The following CFTR variants were observed in gnomAD, a reference collection of about 807,000 sequenced individuals.
The protein encoded by CFTR is cystic fibrosis transmembrane conductance regulator.
In CFTR, 181 loss-of-function variants were observed where a neutral mutation model predicts 171.6. The observed-to-expected ratio is 1.05, with a 90% CI of 0.93 to 1.19. The LOEUF is 1.19. Ranked by LOEUF, CFTR falls within the 50% of genes most tolerant of loss-of-function variation. CFTR has a pLI of 0.00. For missense variants in CFTR, 1,968 were observed against 1,734.7 expected, an observed-to-expected ratio of 1.13 and a Z score of -2.39; for synonymous variants, 583 against 608.0, an observed-to-expected ratio of 0.96 and a Z score of 0.60.
chr7:117,556,512 C>CTTTTTTTTTTTTTTTTTTTTTT (rs55700428), intron 10 of CFTR, among the ~76,000 whole-genome samples: 1 of 45,904 alleles, frequency 2.2e-5, no homozygotes, highest in Non-Finnish European at 3.6e-5. Flanking sequence ...TGTTTCATTT[C>CTTTTTTTTTTTTTTTTTTTTTT]TTTTTTTTTT....
intron 21 of CFTR, among the ~76,000 whole-genome samples, chr7:117,621,908 T>C (rs1394794777): frequency 1.3e-5 from 2 of 152,196 alleles, no homozygotes; most frequent in Non-Finnish European, 2.9e-5. Flanking sequence ...CTTAGTACCA[T>C]GTTTACCAAA....
chr7:117,480,740 A>G (rs1037990297), intron 1 of CFTR, among the ~76,000 whole-genome samples: 1 of 152,206 alleles, frequency 6.6e-6, no homozygotes, highest in African/African-American at 2.4e-5. Flanking sequence ...AAGTTACTTC[A>G]CAAGCTATAA....
intron 8 of CFTR, among the ~76,000 whole-genome samples, chr7:117,541,773 T>C (rs1799056097): frequency 1.3e-5 from 2 of 152,204 alleles, no homozygotes; most frequent in South Asian, 4.1e-4. Flanking sequence ...ATGTTAAATC[T>C]AATGTATAAA....
chr7:117,653,901 C>T (rs1793123124), intron 24 of CFTR, among the ~76,000 whole-genome samples: 1 of 152,274 alleles, frequency 6.6e-6, no homozygotes, highest in Admixed American at 6.5e-5. Flanking sequence ...CTATTATGTA[C>T]TTTCAAAATA....
chr7:117,556,301 G>T (rs1799352949), intron 10 of CFTR, among the ~76,000 whole-genome samples: 1 of 151,860 alleles, frequency 6.6e-6, no homozygotes, highest in Non-Finnish European at 1.5e-5. Context: ...TTGACCTCAT[G>T]ATCTGCCTGC....
chr7:117,541,254 G>A (rs1383782794), intron 8 of CFTR, among the ~76,000 whole-genome samples: 2 of 152,184 alleles, frequency 1.3e-5, no homozygotes, highest in Admixed American at 6.5e-5. Context: ...GAGAGAGAGA[G>A]AGAGAGAAAG....
intron 2 of CFTR, among the ~76,000 whole-genome samples, chr7:117,506,637 G>A (rs2116638126): frequency 6.6e-6 from 1 of 152,270 alleles, no homozygotes; most frequent in African/African-American, 2.4e-5. Context: ...TGTATTTATG[G>A]CCAGATAGAG....
At chr7:117,534,192 C>A in intron 4 of CFTR, 84 bp from the exon 5 acceptor site, 2 of 697,466 alleles carry the variant, frequency 2.9e-6, no homozygotes, top group Non-Finnish European at 5.1e-6. Flanking sequence ...TGCATAATAA[C>A]TGAATTAGTC....
intron 9 of CFTR, among the ~76,000 whole-genome samples, chr7:117,542,494 C>T (rs1031079830): frequency 2.6e-5 from 4 of 151,798 alleles, no homozygotes; most frequent in African/African-American, 9.7e-5. Flanking sequence ...TTGCAGTGAG[C>T]TAAGATCACG....
chr7:117,607,406 A>G (rs1792315995), intron 18 of CFTR, among the ~76,000 whole-genome samples: 1 of 152,020 alleles, frequency 6.6e-6, no homozygotes, highest in Non-Finnish European at 1.5e-5. Context: ...AGAAAAGGGG[A>G]GTGGAGGAGG....
intron 18 of CFTR, among the ~76,000 whole-genome samples, chr7:117,609,873 C>G (rs1792356086): frequency 6.6e-6 from 1 of 152,054 alleles, no homozygotes; most frequent in African/African-American, 2.4e-5. Flanking sequence ...ACCATGTTTT[C>G]AAACTTCAAA....
At chr7:117,584,595 C>T (rs1459571104) in intron 11 of CFTR, among the ~76,000 whole-genome samples, 4 of 152,104 alleles carry the variant, frequency 2.6e-5, no homozygotes, top group African/African-American at 9.7e-5. Flanking sequence ...AATTTGAAGT[C>T]GGGTAATATG....
At chr7:117,552,997 AACCTTAGAGAGACCCTCAC>A (rs1357092211) in intron 10 of CFTR, among the ~76,000 whole-genome samples, 10 of 152,166 alleles carry the variant, frequency 6.6e-5, no homozygotes, top group South Asian at 2.1e-4. Context: ...TTATAAAAGA[AACCTTAGAGAGACCCTCAC>A]ACCTTAGAGA....
chr7:117,578,572 C>CGTTGTCCAAGGGT, intron 11 of CFTR, among the ~76,000 whole-genome samples: 1 of 152,088 alleles, frequency 6.6e-6, no homozygotes, highest in African/African-American at 2.4e-5. Context: ...TGTCCAAGGG[C>CGTTGTCCAAGGGT]GTTGTCCAAG....
chr7:117,610,462 G>A, intron 18 of CFTR, 57 bp from the exon 19 acceptor site: 1 of 1,362,786 alleles, frequency 7.3e-7, no homozygotes, highest in Non-Finnish European at 1.0e-6. Context: ...GACACACTTT[G>A]TCCACTTTGC....
At position 117,591,933 on chromosome 7, in the gene CFTR, G is replaced by C; in HGVS notation, c.1767-1G>C. ...TATTTATATGTTTTTATATCTTAAAGCTGTGTCTGTAAACTGATGGCTAAC... is the reference window on the plus strand; with the variant it reads ...TATTTATATGTTTTTATATCTTAAACCTGTGTCTGTAAACTGATGGCTAAC... On this transcript the variant is annotated splice_acceptor_variant, in intron 13 of 26. Transcript: ENST00000003084. LOFTEE classifies it high-confidence loss of function. 6.4e-7 allele frequency: 1 copy of C among 1,559,804 alleles called. No individual in the cohort carries two copies. The highest frequency in any genetic ancestry group is 2.2e-5 in the East Asian group (1 of 44,506).
At chr7:117,507,780 G>GC (rs1158494621) in intron 2 of CFTR, among the ~76,000 whole-genome samples, 2 of 152,090 alleles carry the variant, frequency 1.3e-5, no homozygotes, top group African/African-American at 2.4e-5. Context: ...ACTCCTTTAT[G>GC]TTTTTTGTTT....
At chr7:117,652,531 A>C (rs1422358359) in intron 23 of CFTR, among the ~76,000 whole-genome samples, 1 of 152,126 alleles carries the variant, frequency 6.6e-6, no homozygotes, top group East Asian at 1.9e-4. Context: ...AATAAGGAAT[A>C]TTGCTAGGAA....
Position 117,545,136 on chromosome 7 carries a change from C to T in CFTR, c.1209+3028C>T, listed in dbSNP as rs530180641. The stretch of plus-strand genomic sequence containing the variant: ...TCATGGTGGATGATGAAAGGCATGT[C>T]TCACATGGAGGCAGATAAGAGCATA... On this transcript the variant is annotated intron_variant, in intron 9 of 26. Coordinates refer to ENST00000003084, the MANE Select transcript of CFTR (RefSeq NM_000492.4). Among the ~76,000 whole-genome samples the T allele has an allele frequency of 1.6e-3, 240 of 152,336 alleles. 2 individuals carry two copies. Among genetic ancestry groups the T allele is most frequent in the Non-Finnish European group, 2.8e-3 (189 of 68,036 alleles).
Sources: allele counts gnomAD v4.1 joint callset (sites outside exome capture counted in the v4.1 genomes callset), GRCh38; gene constraint gnomAD v4.1.1; transcripts MANE v1.5; gene names NCBI Gene and HGNC (gene_info 2026-07-23, HGNC 2026-07-21).